PRELID2: variants seen among roughly 807,000 people sequenced by gnomAD.
The protein encoded by PRELID2 is PRELI domain-containing protein 2.
Under a neutral mutation model 28.4 loss-of-function variants are expected in PRELID2, and 25 were observed. The ratio of observed to expected loss-of-function variants is 0.88; its 90% CI spans 0.64 to 1.23. The LOEUF (loss-of-function observed/expected upper bound fraction) is 1.23, where lower values mean the gene tolerates loss of function less well. PRELID2 is among the 50% of genes most tolerant of loss of function. PRELID2 has a pLI of 0.00. For missense variants in PRELID2, 201 were observed against 214.4 expected, an observed-to-expected ratio of 0.94 and a Z score of 0.39; for synonymous variants, 76 against 71.6, an observed-to-expected ratio of 1.06 and a Z score of -0.31.
chr5:145,650,821 C>T (rs1754283175), intron 1 of PRELID2, among the ~76,000 whole-genome samples: 1 of 151,888 alleles, frequency 6.6e-6, no homozygotes, highest in South Asian at 2.1e-4. Context: ...TCTACAGCTC[C>T]CAGTGTGAGC....
the PRELID2 span, among the ~76,000 whole-genome samples, chr5:145,340,799 A>ATATATATATATATATATATATC: frequency 1.5e-5 from 2 of 134,920 alleles, no homozygotes; most frequent in African/African-American, 2.8e-5. Flanking sequence ...ATATATATAT[A>ATATATATATATATATATATATC]TCCTCCCTAT....
chr5:145,543,403 A>G (rs1027403412), intron 1 of PRELID2, among the ~76,000 whole-genome samples: 7 of 152,114 alleles, frequency 4.6e-5, no homozygotes, highest in Non-Finnish European at 1.0e-4. Context: ...AATTTAATCA[A>G]TCAATATATT....
intron 4 of PRELID2, among the ~76,000 whole-genome samples, chr5:145,805,901 A>G (rs1581239521): frequency 6.6e-6 from 1 of 152,340 alleles, no homozygotes; most frequent in Admixed American, 6.5e-5. Flanking sequence ...GACATAGAAA[A>G]GGAACAGTAA....
intron 1 of PRELID2, among the ~76,000 whole-genome samples, chr5:145,599,077 C>T (rs1753351518): frequency 6.6e-6 from 1 of 152,036 alleles, no homozygotes; most frequent in Non-Finnish European, 1.5e-5. Context: ...AGTTGTGGGA[C>T]CGAAAGAGCT....
At chr5:145,833,523 T>C (rs1246643795) in intron 1 of PRELID2, among the ~76,000 whole-genome samples, 1 of 152,224 alleles carries the variant, frequency 6.6e-6, no homozygotes, top group Non-Finnish European at 1.5e-5. Flanking sequence ...CATTCATTTA[T>C]TCATTGCTCA....
chr5:145,271,932 C>T, the PRELID2 span, among the ~76,000 whole-genome samples: 4 of 152,228 alleles, frequency 2.6e-5, no homozygotes, highest in South Asian at 4.1e-4. Flanking sequence ...AATAGCAGGG[C>T]TTATTCCATA....
intron 1 of PRELID2, among the ~76,000 whole-genome samples, chr5:145,477,669 C>A (rs192117005): frequency 6.6e-6 from 1 of 152,256 alleles, no homozygotes; most frequent in East Asian, 1.9e-4. Context: ...GTAAAATCTA[C>A]TATATAAAAT....
chr5:145,233,059 C>T, the PRELID2 span, among the ~76,000 whole-genome samples: 1 of 151,278 alleles, frequency 6.6e-6, no homozygotes, highest in Non-Finnish European at 1.5e-5. Flanking sequence ...AAATAACTAC[C>T]ATTTGTTATG....
chr5:145,400,172 C>T, the PRELID2 span, among the ~76,000 whole-genome samples: 3 of 152,116 alleles, frequency 2.0e-5, no homozygotes, highest in South Asian at 4.2e-4. Flanking sequence ...TTGAGATATC[C>T]GTACATAGTT....
At chr5:145,348,297 C>T in the PRELID2 span, among the ~76,000 whole-genome samples, 2 of 152,100 alleles carry the variant, frequency 1.3e-5, no homozygotes, top group East Asian at 3.9e-4. Flanking sequence ...CCACAATATT[C>T]TCCTCTAACT....
downstream of PRELID2, among the ~76,000 whole-genome samples, chr5:145,470,204 C>G (rs1018986597): frequency 1.3e-5 from 2 of 152,034 alleles, no homozygotes; most frequent in Non-Finnish European, 2.9e-5. Context: ...GTCTTAACTA[C>G]TTGACTCTCC....
the PRELID2 span, among the ~76,000 whole-genome samples, chr5:145,399,435 C>T: frequency 2.0e-5 from 3 of 152,076 alleles, no homozygotes; most frequent in Non-Finnish European, 4.4e-5. Flanking sequence ...AGAGCTCATG[C>T]AAAATTATAT....
chr5:145,432,614 C>T, the PRELID2 span, among the ~76,000 whole-genome samples: 5 of 151,932 alleles, frequency 3.3e-5, no homozygotes, highest in South Asian at 1.0e-3. Flanking sequence ...TCTCTTTAGG[C>T]ATAACATAGA....
the PRELID2 span, among the ~76,000 whole-genome samples, chr5:145,443,521 T>C: frequency 2.0e-5 from 3 of 152,096 alleles, no homozygotes; most frequent in Non-Finnish European, 4.4e-5. Context: ...CTGAGCTGTA[T>C]TGACTTAAAT....
rs1348524070 is a variant in PRELID2, at chr5:145,605,312, C to T, written n.71-131997G>A. ...AGGGTTTTTATAGCTTTAGGTTTTA[C>T]ATCTATATCTTTAACCCATCTTGAT... On this transcript the variant is annotated intron_variant and non_coding_transcript_variant, in intron 1 of 2. Coordinates refer to the PRELID2 transcript ENST00000510259. Among the ~76,000 whole-genome samples, 5 of 152,106 alleles carry T rather than the reference C, an allele frequency of 3.3e-5. No individual in the cohort carries two copies. The East Asian group carries it at 5.8e-4, about 18-fold the overall frequency.
chr5:145,540,856 T>C (rs1489548185), intron 1 of PRELID2, among the ~76,000 whole-genome samples: 1 of 151,910 alleles, frequency 6.6e-6, no homozygotes, highest in Admixed American at 6.6e-5. Flanking sequence ...TATGAATATA[T>C]ATCAGGTTTT....
the PRELID2 span, among the ~76,000 whole-genome samples, chr5:145,438,916 C>T: frequency 2.6e-5 from 4 of 152,146 alleles, no homozygotes; most frequent in Admixed American, 2.6e-4. Context: ...TTCTCCCTTT[C>T]TTGAGACTTA....
At chr5:145,483,149 C>T (rs563021087) in intron 1 of PRELID2, among the ~76,000 whole-genome samples, 1 of 152,214 alleles carries the variant, frequency 6.6e-6, no homozygotes, top group South Asian at 2.1e-4. Context: ...GTTGATGTCT[C>T]CTTGTGTTCA....
intron 4 of PRELID2, among the ~76,000 whole-genome samples, chr5:145,800,309 C>CACAT (rs1438264683): frequency 6.7e-6 from 1 of 148,970 alleles, no homozygotes; most frequent in Non-Finnish European, 1.5e-5. Flanking sequence ...CTTACACACA[C>CACAT]ACACACACAC....
Sources: allele counts gnomAD v4.1 joint callset (sites outside exome capture counted in the v4.1 genomes callset), GRCh38; gene constraint gnomAD v4.1.1; transcripts MANE v1.5; gene names NCBI Gene and HGNC (gene_info 2026-07-23, HGNC 2026-07-21).